Variants in ITSN1 observed in about 807,000 individuals in gnomAD.
ITSN1 encodes intersectin 1.
A neutral mutation model predicts 239.8 loss-of-function variants in ITSN1; 58 were observed. The observed-to-expected ratio is 0.24, with a 90% CI of 0.20 to 0.30. The LOEUF (loss-of-function observed/expected upper bound fraction) is 0.30. ITSN1 is among the 10% of genes least tolerant of loss of function. ITSN1 has a pLI of 1.00. For synonymous variants in ITSN1, 780 were observed against 770.8 expected (o/e 1.01, Z -0.20); for missense variants, 1,558 against 2,103.3 (o/e 0.74, Z 5.07).
intron 2 of ITSN1, among the ~76,000 whole-genome samples, chr21:33,720,061 T>G (rs767875576): frequency 3.9e-5 from 6 of 152,258 alleles, no homozygotes; most frequent in Non-Finnish European, 7.3e-5. Flanking sequence ...TCCCCCTTCT[T>G]AATTACTGTA....
At chr21:33,736,033 C>T (rs1387138567) in intron 5 of ITSN1, among the ~76,000 whole-genome samples, 1 of 152,130 alleles carries the variant, frequency 6.6e-6, no homozygotes, top group Non-Finnish European at 1.5e-5. Flanking sequence ...ATCTTTCAAC[C>T]AGGTATTTTT....
intron 1 of ITSN1, among the ~76,000 whole-genome samples, chr21:33,686,060 G>A (rs2091220467): frequency 6.6e-6 from 1 of 152,270 alleles, no homozygotes; most frequent in East Asian, 1.9e-4. Flanking sequence ...CAACTTAGAA[G>A]GTAATTGATG....
intron 37 of ITSN1, 48 bp downstream of exon 37, chr21:33,885,171 G>C (rs746393459): frequency 1.3e-6 from 2 of 1,491,616 alleles, no homozygotes; most frequent in South Asian, 1.1e-5. Context: ...GCAGGAGGGA[G>C]GGCCATTTGG....
chr21:33,759,543 A>G (rs980771050), intron 8 of ITSN1, among the ~76,000 whole-genome samples: 4 of 152,162 alleles, frequency 2.6e-5, no homozygotes, highest in African/African-American at 9.7e-5. Context: ...TGTTAATTCT[A>G]CTTTGTTACC....
intron 34 of ITSN1, among the ~76,000 whole-genome samples, chr21:33,876,222 TC>T (rs1244976456): frequency 6.1e-5 from 2 of 32,704 alleles, no homozygotes; most frequent in Non-Finnish European, 1.1e-4. Flanking sequence ...CTTCTTTTTC[TC>T]TTTCTTTCCT....
chr21:33,884,209 A>ATTGTTG (rs375803637), intron 36 of ITSN1, among the ~76,000 whole-genome samples: 5 of 151,796 alleles, frequency 3.3e-5, no homozygotes, highest in African/African-American at 9.7e-5. Flanking sequence ...TGCACCTGGC[A>ATTGTTG]TTGTTGTTGT....
At chr21:33,805,556 C>T (rs1240602994) in intron 20 of ITSN1, among the ~76,000 whole-genome samples, 1 of 152,190 alleles carries the variant, frequency 6.6e-6, no homozygotes, top group Non-Finnish European at 1.5e-5. Context: ...TTTATTGGAA[C>T]ACAGCCAGGC....
intron 1 of ITSN1, among the ~76,000 whole-genome samples, chr21:33,695,890 A>G (rs569302702): frequency 6.6e-6 from 1 of 152,342 alleles, no homozygotes; most frequent in Non-Finnish European, 1.5e-5. Context: ...TCAGGCTTGA[A>G]TATATTTCAG....
At chr21:33,886,574 G>A (rs947209194) in intron 39 of ITSN1, 114 bp downstream of exon 39, 2 of 945,676 alleles carry the variant, frequency 2.1e-6, no homozygotes, top group African/African-American at 3.4e-5. Context: ...TCCCTCCTGA[G>A]AGATGAGGCT....
intron 5 of ITSN1, 187 bp downstream of exon 5, chr21:33,735,391 G>A (rs546633171): frequency 1.3e-5 from 9 of 693,248 alleles, no homozygotes; most frequent in African/African-American, 1.1e-4. Flanking sequence ...TTGAACCCTG[G>A]GATGTAAAGT....
At chr21:33,842,909 C>T (rs539714104) in intron 29 of ITSN1, among the ~76,000 whole-genome samples, 8 of 152,172 alleles carry the variant, frequency 5.3e-5, no homozygotes, top group African/African-American at 1.9e-4. Context: ...CCCCTGCTTT[C>T]CCCTCCCATT....
chr21:33,744,427 C>T (rs7275428), intron 5 of ITSN1, among the ~76,000 whole-genome samples: 4,660 of 152,084 alleles, frequency 0.031, 250 homozygotes, highest in African/African-American at 0.11. Context: ...ACTCAGAAGG[C>T]GTCTCTCACC....
chr21:33,654,414 C>T lies in ITSN1; in HGVS notation c.-33+11701C>T, dbSNP rs80142240. Among the ~76,000 whole-genome samples, 92 of 152,056 alleles carry T rather than the reference C, an allele frequency of 6.1e-4. No individual in the cohort carries two copies. In the East Asian group the frequency reaches 0.014, roughly 24 times the overall value. The stretch of plus-strand genomic sequence containing the variant: ...GTTCTGTTATACTCTAGACTCTTAG[C>T]AAGAGTCTAGAATCAACGTTAGTTA... On this transcript the variant is annotated intron_variant, in intron 1 of 39. Coordinates refer to ENST00000381318, the MANE Select transcript of ITSN1 (RefSeq NM_003024.3).
Position 33,767,825 on chromosome 21 carries a change from C to T in ITSN1, c.1039C>T (p.Pro347Ser). 1 of 1,526,364 alleles carries T rather than the reference C, an allele frequency of 6.6e-7. No individual in the cohort carries two copies. The highest frequency in any genetic ancestry group is 9.1e-7 in the Non-Finnish European group (1 of 1,101,426). 94.6% of individuals were successfully genotyped at this position (1,526,364 alleles called of 1,614,324 possible). A position where few individuals can be genotyped will look rare whatever the true frequency, so the allele number is the denominator to read the frequency against. Reference protein sequence around the residue: ...DEQQQLEKKLPVTFEDKKREN... With the variant: ...DEQQQLEKKLSVTFEDKKREN... ...ACAACAACAATTAGAAAAGAAATTACCTGGTAAGGCAGCCTTTATGTTGAG... is the reference window on the plus strand; with the variant it reads ...ACAACAACAATTAGAAAAGAAATTATCTGGTAAGGCAGCCTTTATGTTGAG... Residue 347 changes from proline (P) to serine (S), a missense_variant, in exon 11 of 40, where the codon CCT becomes TCT. Physicochemically the swap from Pro to Ser is moderately conservative, Grantham distance 74 (BLOSUM62 -1). Coordinates refer to ENST00000381318, the MANE Select transcript of ITSN1 (RefSeq NM_003024.3).
intron 27 of ITSN1, among the ~76,000 whole-genome samples, chr21:33,834,045 T>C (rs1000592879): frequency 6.6e-6 from 1 of 152,104 alleles, no homozygotes; most frequent in Non-Finnish European, 1.5e-5. Flanking sequence ...TCCCAGGCAA[T>C]CCATGGTATA....
At chr21:33,782,980 A>G (rs1225157030) in intron 16 of ITSN1, among the ~76,000 whole-genome samples, 3 of 152,132 alleles carry the variant, frequency 2.0e-5, no homozygotes, top group African/African-American at 4.8e-5. Flanking sequence ...AGCCAAGATC[A>G]CGCCACTGCA....
At chr21:33,856,391 G>T (rs1412892447) in intron 29 of ITSN1, among the ~76,000 whole-genome samples, 1 of 152,154 alleles carries the variant, frequency 6.6e-6, no homozygotes, top group African/African-American at 2.4e-5. Flanking sequence ...CACTCTGAGG[G>T]CTCGGGGTGT....
intron 38 of ITSN1, 93 bp downstream of exon 38, chr21:33,885,615 T>C (rs961546066): frequency 2.2e-6 from 2 of 914,698 alleles, no homozygotes; most frequent in East Asian, 4.8e-5. Flanking sequence ...TCAAATGTGC[T>C]ATTTCCATAC....
intron 11 of ITSN1, among the ~76,000 whole-genome samples, chr21:33,769,945 C>T (rs183456054): frequency 6.6e-6 from 1 of 152,058 alleles, no homozygotes; most frequent in Non-Finnish European, 1.5e-5. Context: ...ATCCACCCAC[C>T]TTGGCCTCCC....
Sources: gnomAD v4.1 joint callset for allele counts (sites outside exome capture counted in the v4.1 genomes callset) on GRCh38, gnomAD v4.1.1 for gene constraint, MANE v1.5 for transcripts, NCBI Gene and HGNC (gene_info 2026-07-23, HGNC 2026-07-21) for gene names.